RP1: variants seen among roughly 807,000 people sequenced by gnomAD.
The protein encoded by RP1 is oxygen-regulated protein 1.
In RP1, 16 loss-of-function variants were observed where a neutral mutation model predicts 14.8. The observed-to-expected ratio is 1.08, with a 90% CI of 0.73 to 1.65. RP1 has a LOEUF of 1.65. Ranked by LOEUF, RP1 falls within the 40% of genes most tolerant of loss-of-function variation. The probability of loss-of-function intolerance (pLI) is 0.00; values close to 1 mark genes in which losing one functional copy is unlikely to be tolerated. For missense variants in RP1, 2,631 were observed against 2,535.0 expected (o/e 1.04, Z -0.81); for synonymous variants, 876 against 883.6 (o/e 0.99, Z 0.15).
Position 54,686,027 on chromosome 8 carries a change from G to T in RP1, c.1717+6094G>T, listed in dbSNP as rs1585605828. On this transcript the variant is annotated intron_variant, in intron 12 of 22. Transcript: ENST00000636932. ...TCTCTGTAGATCAAACTAACTGGTA[G>T]ATGATGCAAATAGAAAAACTTTTTA... Among the ~76,000 whole-genome samples, 3 of 152,290 alleles carry T rather than the reference G, an allele frequency of 2.0e-5. No homozygotes were observed. The South Asian group carries it at 6.2e-4, about 32-fold the overall frequency.
At chr8:54,801,515 C>T (rs567192734) in intron 24 of RP1, among the ~76,000 whole-genome samples, 1 of 152,152 alleles carries the variant, frequency 6.6e-6, no homozygotes, top group South Asian at 2.1e-4. Flanking sequence ...TTTCTCTTCC[C>T]TCTGCAAATT....
chr8:54,867,462 C>T (rs1242090953), intron 28 of RP1, among the ~76,000 whole-genome samples: 1 of 152,032 alleles, frequency 6.6e-6, no homozygotes, highest in African/African-American at 2.4e-5. Context: ...TTTTTTAGCA[C>T]CAGATTTGGA....
intron 23 of RP1, among the ~76,000 whole-genome samples, chr8:54,778,483 C>G (rs1255199587): frequency 1.3e-5 from 2 of 151,896 alleles, no homozygotes; most frequent in Non-Finnish European, 2.9e-5. Context: ...CACCACCATG[C>G]CCGGCTAATT....
chr8:54,869,619 G>C (rs887637861), intron 28 of RP1, among the ~76,000 whole-genome samples: 1 of 152,178 alleles, frequency 6.6e-6, no homozygotes, highest in African/African-American at 2.4e-5. Flanking sequence ...CAAAATTTTA[G>C]AGTGAACCAA....
At chr8:54,647,020 T>C (rs1806565283) in intron 3 of RP1, among the ~76,000 whole-genome samples, 2 of 152,252 alleles carry the variant, frequency 1.3e-5, no homozygotes, top group Admixed American at 1.3e-4. Context: ...ATTATGTTTT[T>C]ATTTACTGAT....
At chr8:54,581,745 T>C (rs1804796404) in intron 1 of RP1, among the ~76,000 whole-genome samples, 2 of 152,248 alleles carry the variant, frequency 1.3e-5, no homozygotes, top group Admixed American at 1.3e-4. Context: ...TTTGCATTTC[T>C]CTGATGGCCA....
At chr8:54,631,978 A>T (rs1806254173), downstream of RP1, among the ~76,000 whole-genome samples, 1 of 151,862 alleles carries the variant, frequency 6.6e-6, no homozygotes, top group Non-Finnish European at 1.5e-5. Context: ...AGTAGCTGGG[A>T]TTACAGGCAT....
intron 1 of RP1, among the ~76,000 whole-genome samples, chr8:54,607,003 C>T (rs1563324001): frequency 6.6e-6 from 1 of 152,140 alleles, no homozygotes; most frequent in Non-Finnish European, 1.5e-5. Context: ...CCTCCTTTAG[C>T]TCAGAGTAGT....
intron 7 of RP1, chr8:54,673,737 C>T (rs1451608584): frequency 9.5e-6 from 8 of 838,456 alleles, no homozygotes; most frequent in Non-Finnish European, 1.4e-5. Flanking sequence ...GAGAGCCTGT[C>T]TCAAAACAAC....
At chr8:54,847,002 G>A (rs1811937000) in intron 25 of RP1, among the ~76,000 whole-genome samples, 1 of 152,140 alleles carries the variant, frequency 6.6e-6, no homozygotes, top group African/African-American at 2.4e-5. Flanking sequence ...GAGCTGATGA[G>A]GGCACTCTGT....
chr8:54,714,940 C>T (rs1420861202), intron 15 of RP1, among the ~76,000 whole-genome samples: 1 of 152,190 alleles, frequency 6.6e-6, no homozygotes. Context: ...GAATAAATTG[C>T]TGAGTGATTC....
Position 54,621,171 on chromosome 8 carries a change from A to T in RP1, c.205A>T (p.Asn69Tyr), listed in dbSNP as rs794727282. ...TAAGTCCTTTGATGCTCTGCTGGAT[A>T]ACTTGTCCAGGAAGGTGCCCCTCCC... ...SFKSFDALLD[N>Y]LSRKVPLPFG... is the part of the protein sequence containing the mutation. Residue 69 changes from asparagine to tyrosine, a missense_variant, in exon 2 of 4, where the codon AAC becomes TAC. By Grantham distance (143) the Asn-to-Tyr change is moderately radical. Transcript: ENST00000220676. The T allele has an allele frequency of 2.7e-5, 44 of 1,614,038 alleles. No homozygotes were observed. The highest frequency in any genetic ancestry group is 3.6e-5 in the Non-Finnish European group (43 of 1,180,032).
chr8:54,680,637 G>C (rs1456954994), intron 12 of RP1, among the ~76,000 whole-genome samples: 1 of 152,046 alleles, frequency 6.6e-6, no homozygotes, highest in Non-Finnish European at 1.5e-5. Context: ...TGAGATCCTA[G>C]GGAACAACCA....
chr8:54,597,463 T>C (rs1805176109), intron 1 of RP1, among the ~76,000 whole-genome samples: 1 of 152,186 alleles, frequency 6.6e-6, no homozygotes, highest in Non-Finnish European at 1.5e-5. Flanking sequence ...TTCTTCTCTT[T>C]ATATGTTTTA....
chr8:54,821,227 G>C (rs969644626), intron 24 of RP1, among the ~76,000 whole-genome samples: 3 of 152,126 alleles, frequency 2.0e-5, no homozygotes, highest in Non-Finnish European at 2.9e-5. Flanking sequence ...TCAAAAATAT[G>C]ATTGCAACAA....
At chr8:54,597,007 C>A (rs1805163861) in intron 1 of RP1, among the ~76,000 whole-genome samples, 1 of 152,152 alleles carries the variant, frequency 6.6e-6, no homozygotes, top group Non-Finnish European at 1.5e-5. Flanking sequence ...TTTGACATAG[C>A]AATGTCAAGG....
chr8:54,845,375 T>C (rs1387847199), intron 25 of RP1, among the ~76,000 whole-genome samples: 2 of 152,162 alleles, frequency 1.3e-5, no homozygotes, highest in Non-Finnish European at 2.9e-5. Flanking sequence ...GAAAGAGCAC[T>C]TCTTTATTCA....
intron 19 of RP1, among the ~76,000 whole-genome samples, chr8:54,752,648 C>T (rs749045177): frequency 1.5e-4 from 23 of 152,306 alleles, no homozygotes; most frequent in East Asian, 5.8e-4. Context: ...CTGGCCAGGA[C>T]GCCATGCCAT....
At chr8:54,836,216 G>A (rs567303879) in intron 24 of RP1, among the ~76,000 whole-genome samples, 2 of 152,198 alleles carry the variant, frequency 1.3e-5, no homozygotes, top group Non-Finnish European at 2.9e-5. Flanking sequence ...AGGGAGAAAA[G>A]ATGTTGCAGG....
Sources: gnomAD v4.1 joint callset for allele counts (sites outside exome capture counted in the v4.1 genomes callset) on GRCh38, gnomAD v4.1.1 for gene constraint, MANE v1.5 for transcripts, NCBI Gene and HGNC (gene_info 2026-07-23, HGNC 2026-07-21) for gene names.